KCTD8: variants seen among roughly 807,000 people sequenced by gnomAD.
The protein encoded by KCTD8 is BTB/POZ domain-containing protein KCTD8.
Under a neutral mutation model 31.5 loss-of-function variants are expected in KCTD8, and 27 were observed. That is an observed-to-expected ratio of 0.86 (90% CI 0.63 to 1.18). KCTD8 has a LOEUF of 1.18. KCTD8 is among the 50% of genes most tolerant of loss of function. The probability of loss-of-function intolerance (pLI) is 0.00; values close to 1 mark genes in which losing one functional copy is unlikely to be tolerated. For synonymous variants in KCTD8, 290 were observed against 280.0 expected (o/e 1.04, Z -0.36); for missense variants, 658 against 647.7 (o/e 1.02, Z -0.17).
At chr4:44,249,730 T>C (rs1715769886) in intron 1 of KCTD8, among the ~76,000 whole-genome samples, 1 of 151,572 alleles carries the variant, frequency 6.6e-6, no homozygotes, top group Non-Finnish European at 1.5e-5. Flanking sequence ...TTTGTCATAT[T>C]CTCTCCTTCC....
At chr4:44,275,259 G>A (rs1716721195) in intron 1 of KCTD8, among the ~76,000 whole-genome samples, 1 of 151,968 alleles carries the variant, frequency 6.6e-6, no homozygotes, top group African/African-American at 2.4e-5. Flanking sequence ...GTGAATATAA[G>A]CCTTTCCTGT....
At chr4:44,365,116 T>C (rs1369708652) in intron 1 of KCTD8, among the ~76,000 whole-genome samples, 1 of 152,104 alleles carries the variant, frequency 6.6e-6, no homozygotes, top group Non-Finnish European at 1.5e-5. Flanking sequence ...TTGTAACAAA[T>C]ATATCACACT....
intron 1 of KCTD8, among the ~76,000 whole-genome samples, chr4:44,429,779 G>C (rs1285139433): frequency 6.6e-6 from 1 of 151,724 alleles, no homozygotes; most frequent in Non-Finnish European, 1.5e-5. Flanking sequence ...TAGCAAGACT[G>C]CAGGTAATAG....
intron 1 of KCTD8, among the ~76,000 whole-genome samples, chr4:44,224,345 C>T (rs1441679934): frequency 6.6e-6 from 1 of 152,156 alleles, no homozygotes; most frequent in Non-Finnish European, 1.5e-5. Flanking sequence ...CTTTTTTTCA[C>T]TGTCCACCAA....
intron 1 of KCTD8, among the ~76,000 whole-genome samples, chr4:44,253,371 A>G (rs1715899749): frequency 6.6e-6 from 1 of 151,776 alleles, no homozygotes; most frequent in African/African-American, 2.4e-5. Context: ...ATAAATTACA[A>G]TTTTGAAAGC....
At chr4:44,364,779 G>T (rs576673726) in intron 1 of KCTD8, among the ~76,000 whole-genome samples, 6 of 152,030 alleles carry the variant, frequency 3.9e-5, no homozygotes, top group East Asian at 1.9e-4. Flanking sequence ...AATACATATT[G>T]CTAAGTCAAA....
At chr4:44,260,326 T>C (rs1716124731) in intron 1 of KCTD8, among the ~76,000 whole-genome samples, 1 of 151,994 alleles carries the variant, frequency 6.6e-6, no homozygotes, top group African/African-American at 2.4e-5. Flanking sequence ...ACCTACTATG[T>C]TCTAGGTACT....
At chr4:44,261,567 T>C (rs1475360531) in intron 1 of KCTD8, among the ~76,000 whole-genome samples, 2 of 151,944 alleles carry the variant, frequency 1.3e-5, no homozygotes, top group Non-Finnish European at 2.9e-5. Context: ...TGAAAGTTTG[T>C]AAATTTTGAC....
At chr4:44,214,372 T>C (rs1197487905) in intron 1 of KCTD8, among the ~76,000 whole-genome samples, 1 of 152,238 alleles carries the variant, frequency 6.6e-6, no homozygotes. Flanking sequence ...CCGTCTACTT[T>C]AGGCAGTGTC....
intron 1 of KCTD8, among the ~76,000 whole-genome samples, chr4:44,402,011 A>G (rs1413931612): frequency 6.6e-6 from 1 of 152,188 alleles, no homozygotes; most frequent in Non-Finnish European, 1.5e-5. Context: ...TCCTTAATTA[A>G]TTCAAGCTTG....
chr4:44,219,959 G>T (rs1418089855), intron 1 of KCTD8, among the ~76,000 whole-genome samples: 1 of 152,086 alleles, frequency 6.6e-6, no homozygotes. Context: ...TAAAAATGTT[G>T]TTTTTTATTT....
intron 1 of KCTD8, among the ~76,000 whole-genome samples, chr4:44,281,124 G>T (rs1012869119): frequency 1.3e-5 from 1 of 76,904 alleles, no homozygotes; most frequent in Non-Finnish European, 2.7e-5. Context: ...GGCTGGTGAG[G>T]ATTAGCACGA....
At chr4:44,268,748 T>C (rs1716474850) in intron 1 of KCTD8, among the ~76,000 whole-genome samples, 1 of 151,676 alleles carries the variant, frequency 6.6e-6, no homozygotes, top group African/African-American at 2.4e-5. Context: ...TATACACCAA[T>C]AACAGACAGA....
At position 44,279,002 on chromosome 4, in the gene KCTD8, A is replaced by T. The variant is rs937632777; in HGVS notation, c.962-103752T>A. Among the ~76,000 whole-genome samples the T allele has an allele frequency of 1.1e-4, 16 of 152,116 alleles. No individual in the cohort carries two copies. The East Asian group carries it at 3.1e-3, about 29-fold the overall frequency. On this transcript the variant is annotated intron_variant, in intron 1 of 1. Transcript: ENST00000360029. ...GTTAGGAGAGGCACTTAGTGGAAACAGCACAAGCTTTGGAATCAAATAATT... is the reference window on the plus strand; with the variant it reads ...GTTAGGAGAGGCACTTAGTGGAAACTGCACAAGCTTTGGAATCAAATAATT...
chr4:44,206,110 A>G (rs563430424), intron 1 of KCTD8, among the ~76,000 whole-genome samples: 1 of 151,036 alleles, frequency 6.6e-6, no homozygotes, highest in African/African-American at 2.5e-5. Flanking sequence ...AATTTATAAT[A>G]AATATGTATG....
intron 1 of KCTD8, among the ~76,000 whole-genome samples, chr4:44,391,607 T>C (rs887679580): frequency 6.6e-6 from 1 of 151,536 alleles, no homozygotes; most frequent in Admixed American, 6.6e-5. Context: ...ATATATAAAA[T>C]ACATATAACA....
At chr4:44,447,275 G>C (rs570127244) in intron 1 of KCTD8, among the ~76,000 whole-genome samples, 1 of 152,366 alleles carries the variant, frequency 6.6e-6, no homozygotes, top group Admixed American at 6.5e-5. Context: ...TGGCATCTGG[G>C]AGCGGGCTGG....
chr4:44,287,035 G>A (rs549585558), intron 1 of KCTD8, among the ~76,000 whole-genome samples: 2 of 152,214 alleles, frequency 1.3e-5, no homozygotes, highest in South Asian at 4.2e-4. Context: ...TAGTTTCATA[G>A]CATTTTCAAG....
intron 1 of KCTD8, among the ~76,000 whole-genome samples, chr4:44,201,129 C>A (rs1035531055): frequency 1.3e-5 from 2 of 151,906 alleles, no homozygotes; most frequent in African/African-American, 4.8e-5. Context: ...ACAAGGAGAA[C>A]TGCAAAATAC....
Sources: gnomAD v4.1 joint callset for allele counts (sites outside exome capture counted in the v4.1 genomes callset) on GRCh38, gnomAD v4.1.1 for gene constraint, MANE v1.5 for transcripts, NCBI Gene and HGNC (gene_info 2026-07-23, HGNC 2026-07-21) for gene names.